Variants in EXOC4 observed in about 807,000 individuals in gnomAD.
The protein encoded by EXOC4 is SEC8-like 1.
Under a neutral mutation model 107.2 loss-of-function variants are expected in EXOC4, and 71 were observed. The ratio of observed to expected loss-of-function variants is 0.66; its 90% CI spans 0.55 to 0.81. The LOEUF (loss-of-function observed/expected upper bound fraction) is 0.81. Among genes scored for constraint, EXOC4 ranks in the 30% least tolerant of loss-of-function variants. The pLI is 0.00. For synonymous variants in EXOC4, 456 were observed against 441.2 expected, an observed-to-expected ratio of 1.03 and a Z score of -0.42; for missense variants, 1,108 against 1,189.6, an observed-to-expected ratio of 0.93 and a Z score of 1.01.
chr7:133,801,164 G>T (rs1305951744), intron 10 of EXOC4, among the ~76,000 whole-genome samples: 1 of 152,116 alleles, frequency 6.6e-6, no homozygotes, highest in Non-Finnish European at 1.5e-5. Context: ...CGGGAAACGA[G>T]CCATGTAGTC....
chr7:133,522,364 GA>G (rs1460681707), intron 9 of EXOC4, among the ~76,000 whole-genome samples: 1 of 152,104 alleles, frequency 6.6e-6, no homozygotes, highest in Non-Finnish European at 1.5e-5. Context: ...TCCGCTTGTA[GA>G]TAAAGACAGT....
intron 5 of EXOC4, among the ~76,000 whole-genome samples, chr7:133,339,182 GC>G (rs1795601459): frequency 3.3e-5 from 5 of 152,174 alleles, no homozygotes; most frequent in Admixed American, 2.0e-4. Flanking sequence ...CATCCAGGTT[GC>G]TGTGAATGCC....
chr7:133,409,875 G>GGAAA (rs1452124759), intron 7 of EXOC4, among the ~76,000 whole-genome samples: 6 of 151,974 alleles, frequency 3.9e-5, no homozygotes, highest in Admixed American at 2.0e-4. Context: ...TTCTTATAAG[G>GGAAA]GAAAGCTCTT....
rs75252602 is a variant in EXOC4 at position 133,627,804 on chromosome 7, T to C, written c.1418-2241T>C. 4.8e-3 allele frequency among the ~76,000 whole-genome samples: 732 copies of C among 152,312 alleles called. 3 individuals are homozygous for C. The highest frequency in any genetic ancestry group is 0.017 in the Middle Eastern group (5 of 294). On this transcript the variant is annotated intron_variant, in intron 9 of 17. Transcript: ENST00000253861. Reference sequence around the variant, plus strand: ...TTAAATGAGAAAAAACAGTCCATGATTTTTAATTAAGGGTTGAGTATGCCA... The same window carrying C: ...TTAAATGAGAAAAAACAGTCCATGACTTTTAATTAAGGGTTGAGTATGCCA...
At chr7:134,079,692 CAGATGCAGTGTCA>C in the EXOC4 span, among the ~76,000 whole-genome samples, 2 of 152,216 alleles carry the variant, frequency 1.3e-5, no homozygotes, top group African/African-American at 4.8e-5. Context: ...CCCTGCCCTT[CAGATGCAGTGTCA>C]GTTCCTCTGG....
intron 1 of EXOC4, among the ~76,000 whole-genome samples, chr7:133,266,991 C>T (rs919447656): frequency 3.9e-5 from 6 of 152,150 alleles, no homozygotes; most frequent in Non-Finnish European, 8.8e-5. Flanking sequence ...TTCATATTAA[C>T]TTTGCTTGCC....
At chr7:133,952,690 C>T (rs1800720580) in intron 14 of EXOC4, among the ~76,000 whole-genome samples, 1 of 152,152 alleles carries the variant, frequency 6.6e-6, no homozygotes, top group Non-Finnish European at 1.5e-5. Context: ...ATTCTACTTC[C>T]TATCTCTATG....
chr7:133,294,359 A>G (rs1383107455), intron 3 of EXOC4, among the ~76,000 whole-genome samples: 2 of 152,184 alleles, frequency 1.3e-5, no homozygotes, highest in African/African-American at 4.8e-5. Context: ...GTTCTGATTT[A>G]TCATCCCATA....
chr7:133,728,630 C>A (rs1189800652), intron 10 of EXOC4, among the ~76,000 whole-genome samples: 6 of 152,120 alleles, frequency 3.9e-5, no homozygotes, highest in Admixed American at 3.3e-4. Context: ...ACAGTATGTG[C>A]CACTATAACA....
intron 11 of EXOC4, among the ~76,000 whole-genome samples, chr7:133,872,953 G>T (rs533894286): frequency 2.0e-5 from 3 of 152,138 alleles, no homozygotes; most frequent in Admixed American, 6.5e-5. Context: ...GTTCTCCTCC[G>T]CAGTCTAGTG....
intron 11 of EXOC4, among the ~76,000 whole-genome samples, chr7:133,879,341 G>A (rs931719852): frequency 2.6e-5 from 4 of 151,998 alleles, no homozygotes; most frequent in Non-Finnish European, 5.9e-5. Context: ...GCAACTCTCC[G>A]TGTCGGCCTC....
At chr7:133,719,480 G>C (rs1046243654) in intron 10 of EXOC4, among the ~76,000 whole-genome samples, 1 of 151,662 alleles carries the variant, frequency 6.6e-6, no homozygotes, top group African/African-American at 2.4e-5. Context: ...TATTTTCCAG[G>C]AAGCCATGGA....
At chr7:133,631,352 A>G (rs1224174205) in intron 10 of EXOC4, among the ~76,000 whole-genome samples, 1 of 152,140 alleles carries the variant, frequency 6.6e-6, no homozygotes, top group African/African-American at 2.4e-5. Context: ...TAAACAGTTT[A>G]TTACTACAAT....
chr7:133,640,021 T>G (rs1802813836), intron 10 of EXOC4, among the ~76,000 whole-genome samples: 1 of 152,192 alleles, frequency 6.6e-6, no homozygotes, highest in Non-Finnish European at 1.5e-5. Context: ...AAATTTTTAT[T>G]GAGCTATACA....
the EXOC4 span, among the ~76,000 whole-genome samples, chr7:134,099,621 C>T: frequency 6.6e-6 from 1 of 151,514 alleles, no homozygotes; most frequent in Non-Finnish European, 1.5e-5. Flanking sequence ...GCTCCGCCCC[C>T]CGGGGTTCAT....
intron 7 of EXOC4, among the ~76,000 whole-genome samples, chr7:133,474,344 C>T (rs1798956352): frequency 6.6e-6 from 1 of 152,064 alleles, no homozygotes; most frequent in Non-Finnish European, 1.5e-5. Flanking sequence ...GAGACGGAGT[C>T]TCACCCTGTT....
At chr7:133,865,280 C>T (rs1798613337) in intron 11 of EXOC4, among the ~76,000 whole-genome samples, 1 of 151,962 alleles carries the variant, frequency 6.6e-6, no homozygotes, top group Admixed American at 6.6e-5. Flanking sequence ...TGCATTGAAA[C>T]AAACAGATGA....
intron 13 of EXOC4, among the ~76,000 whole-genome samples, chr7:133,934,680 G>GC (rs963895737): frequency 7.2e-5 from 11 of 152,014 alleles, no homozygotes; most frequent in African/African-American, 2.2e-4. Flanking sequence ...AAAGCCATTT[G>GC]CCCCCCGCTG....
intron 9 of EXOC4, among the ~76,000 whole-genome samples, chr7:133,549,347 G>A (rs148586741): frequency 2.9e-4 from 44 of 152,236 alleles, no homozygotes; most frequent in African/African-American, 1.0e-3. Flanking sequence ...ACACTTAGAG[G>A]CCATTGTAGG....
Sources: allele counts gnomAD v4.1 joint callset (sites outside exome capture counted in the v4.1 genomes callset), GRCh38; gene constraint gnomAD v4.1.1; transcripts MANE v1.5; gene names NCBI Gene and HGNC (gene_info 2026-07-23, HGNC 2026-07-21).